AGPAT5: variants seen among roughly 807,000 people sequenced by gnomAD.
AGPAT5 encodes 1-acyl-sn-glycerol-3-phosphate acyltransferase epsilon.
A neutral mutation model predicts 45.6 loss-of-function variants in AGPAT5; 46 were observed. The ratio of observed to expected loss-of-function variants is 1.01; its 90% confidence interval spans 0.80 to 1.29. AGPAT5 has a LOEUF of 1.29. AGPAT5 is among the 50% of genes most tolerant of loss of function. AGPAT5 has a pLI of 0.00. For synonymous variants in AGPAT5, 272 were observed against 167.0 expected, an observed-to-expected ratio of 1.63 and a Z score of -4.85; for missense variants, 673 against 450.7, an observed-to-expected ratio of 1.49 and a Z score of -4.47.
Position 6,737,645 on chromosome 8 carries a change from A to C in AGPAT5, c.496-4016A>C, listed in dbSNP as rs1801098725. 2.6e-5 allele frequency among the ~76,000 whole-genome samples: 4 copies of C among 152,210 alleles called. No homozygotes were observed. The South Asian group carries it at 8.3e-4, about 31-fold the overall frequency. ...ACTTATGGCACAAACATGGAGACTT[A>C]ACACTTTTTCTTCCAGCTTTCACTT... On this transcript the variant is annotated intron_variant, in intron 4 of 7. Transcript: ENST00000285518.
chr8:6,731,125 AT>A (rs1437574205), intron 3 of AGPAT5, among the ~76,000 whole-genome samples: 1 of 152,120 alleles, frequency 6.6e-6, no homozygotes, highest in Non-Finnish European at 1.5e-5. Context: ...GCCTACCAAA[AT>A]GCTGGATTAT....
intron 6 of AGPAT5, among the ~76,000 whole-genome samples, chr8:6,748,908 A>G (rs977946968): frequency 5.9e-5 from 9 of 152,208 alleles, no homozygotes; most frequent in African/African-American, 1.9e-4. Context: ...CCCTCACCTG[A>G]AGCATTCGTC....
chr8:6,732,257 G>T (rs1800889508), intron 3 of AGPAT5, among the ~76,000 whole-genome samples: 1 of 152,128 alleles, frequency 6.6e-6, no homozygotes, highest in Admixed American at 6.5e-5. Context: ...GATGGATCAG[G>T]TTTTTTATTT....
intron 5 of AGPAT5, among the ~76,000 whole-genome samples, chr8:6,746,615 A>G (rs10100374): frequency 0.024 from 3,580 of 152,274 alleles, 142 homozygotes; most frequent in African/African-American, 0.082. Flanking sequence ...TTGTGAATCA[A>G]TTTAACTGCC....
Position 6,741,508 on chromosome 8 carries a change from C to T in AGPAT5, c.496-153C>T, listed in dbSNP as rs1007863681. The stretch of plus-strand genomic sequence containing the variant: ...ATTTAATTGTTGCATTTTGTTTGCC[C>T]CTCTTGAAACGAAGGTCACATGTAA... On this transcript the variant is annotated intron_variant, in intron 4 of 7. Transcript: ENST00000285518. Among the ~76,000 whole-genome samples, 17 of 152,110 alleles carry T rather than the reference C, an allele frequency of 1.1e-4. 1 individual carries two copies. The highest frequency in any genetic ancestry group is 6.8e-3 in the Middle Eastern group (2 of 294).
intron 1 of AGPAT5, among the ~76,000 whole-genome samples, chr8:6,723,673 A>G (rs1800584007): frequency 6.6e-6 from 1 of 152,250 alleles, no homozygotes; most frequent in South Asian, 2.1e-4. Flanking sequence ...TCATCGATAA[A>G]CTTTATGAAT....
In AGPAT5 at chr8:6,724,914, A is replaced by G; in HGVS notation, c.264A>G (p.Ile88Met). 1 of 1,166,582 alleles carries G rather than the reference A, an allele frequency of 8.6e-7. No homozygotes were observed. Among genetic ancestry groups the G allele is most frequent in the East Asian group, 3.1e-5 (1 of 32,310 alleles). 72.3% of individuals were successfully genotyped at this position (1,166,582 alleles called of 1,614,324 possible). Residue 88 changes from isoleucine (I) to methionine (M), a missense_variant, in exon 2 of 8, where the codon ATA becomes ATG. By Grantham distance (10) the Ile-to-Met change is conservative. Coordinates refer to ENST00000285518, the MANE Select transcript of AGPAT5 (RefSeq NM_018361.5). Reference protein sequence around the residue: ...GDLPKNKENIIYLANHQSTVD... With the variant: ...GDLPKNKENIMYLANHQSTVD... Reference sequence around the variant, plus strand: ...TGCCAAAAAATAAAGAAAATATAATATATTTAGCAAATCATCAAAGCACAG... The same window carrying G: ...TGCCAAAAAATAAAGAAAATATAATGTATTTAGCAAATCATCAAAGCACAG...
intron 1 of AGPAT5, among the ~76,000 whole-genome samples, chr8:6,713,664 C>A (rs1010456088): frequency 6.6e-5 from 10 of 152,294 alleles, no homozygotes; most frequent in African/African-American, 2.4e-4. Flanking sequence ...AGCGGTCCTC[C>A]CACCTCAGCC....
chr8:6,748,027 G>A (rs916403083), intron 6 of AGPAT5, among the ~76,000 whole-genome samples, 199 bp downstream of exon 6: 16 of 152,184 alleles, frequency 1.1e-4, no homozygotes, highest in African/African-American at 3.4e-4. Flanking sequence ...CTTGGCTGTC[G>A]TGTGAGTCCT....
intron 5 of AGPAT5, among the ~76,000 whole-genome samples, chr8:6,741,987 C>T (rs973389367): frequency 6.6e-6 from 1 of 152,088 alleles, no homozygotes; most frequent in African/African-American, 2.4e-5. Context: ...GATACATATT[C>T]TTGTGCCATG....
At chr8:6,718,611 A>C (rs1308887947) in intron 1 of AGPAT5, among the ~76,000 whole-genome samples, 3 of 152,224 alleles carry the variant, frequency 2.0e-5, no homozygotes, top group African/African-American at 7.2e-5. Flanking sequence ...ATGTTGATTT[A>C]CAGGCGGCTG....
At chr8:6,722,246 C>A (rs962654699) in intron 1 of AGPAT5, among the ~76,000 whole-genome samples, 12 of 152,162 alleles carry the variant, frequency 7.9e-5, no homozygotes, top group Non-Finnish European at 2.9e-5. Flanking sequence ...CTGCCTTAGG[C>A]AGTTAGGGGA....
intron 6 of AGPAT5, among the ~76,000 whole-genome samples, chr8:6,753,332 G>A (rs1801719484): frequency 6.6e-6 from 1 of 152,074 alleles, no homozygotes; most frequent in South Asian, 2.1e-4. Context: ...TGAAATACCG[G>A]GTATCTGCAG....
intron 7 of AGPAT5, among the ~76,000 whole-genome samples, 191 bp downstream of exon 7, chr8:6,755,365 C>G (rs1012879268): frequency 6.6e-6 from 1 of 152,228 alleles, no homozygotes; most frequent in African/African-American, 2.4e-5. Context: ...GAACTTGTTA[C>G]AGTGGGCCCA....
chr8:6,752,966 T>C (rs1440515745), intron 6 of AGPAT5, among the ~76,000 whole-genome samples: 3 of 152,190 alleles, frequency 2.0e-5, no homozygotes, highest in Admixed American at 6.5e-5. Context: ...TTGGCTGTTA[T>C]AGCCCCACCA....
In AGPAT5 at chr8:6,761,039, C is replaced by G. The variant is rs1249353641; in HGVS notation, c.*3651C>G. 6.6e-6 allele frequency among the ~76,000 whole-genome samples: 1 copy of G among 152,132 alleles called. No homozygotes were observed. The highest frequency in any genetic ancestry group is 1.5e-5 in the Non-Finnish European group (1 of 68,030). On this transcript the variant is annotated 3_prime_UTR_variant, in exon 8 of 8. Coordinates refer to ENST00000285518, the MANE Select transcript of AGPAT5 (RefSeq NM_018361.5). ...AAAAGTAAATCTATTCCTGTAGCAA[C>G]TGGGGAGTCATATATGAGGTCAAAG...
chr8:6,739,734 A>T lies in AGPAT5; in HGVS notation c.496-1927A>T, dbSNP rs774714042. Among the ~76,000 whole-genome samples, 7 of 151,942 alleles carry T rather than the reference A, an allele frequency of 4.6e-5. No individual in the cohort carries two copies. In the East Asian group the frequency reaches 1.2e-3, roughly 25 times the overall value. On this transcript the variant is annotated intron_variant, in intron 4 of 7. Transcript: ENST00000285518. ...TTTTACTTTGTCCTTTTTAATCTTG[A>T]TGGCTTTTATTTCTTTTTCTTGCTA...
intron 6 of AGPAT5, among the ~76,000 whole-genome samples, chr8:6,754,428 A>T (rs1254335150): frequency 6.6e-6 from 1 of 152,226 alleles, no homozygotes; most frequent in African/African-American, 2.4e-5. Context: ...GCCAAGTTAG[A>T]GAGGAGGGGC....
chr8:6,732,739 T>C, intron 4 of AGPAT5, 89 bp downstream of exon 4: 1 of 1,178,592 alleles, frequency 8.5e-7, no homozygotes, highest in Non-Finnish European at 1.2e-6. Flanking sequence ...GTTTTGACAA[T>C]GTATTTTCCC....
Sources: allele counts gnomAD v4.1 joint callset (sites outside exome capture counted in the v4.1 genomes callset), GRCh38; gene constraint gnomAD v4.1.1; transcripts MANE v1.5; gene names NCBI Gene and HGNC (gene_info 2026-07-23, HGNC 2026-07-21).